Variants in SNX24 observed in about 807,000 individuals in gnomAD.
The protein encoded by SNX24 is sorting nexin-24.
A neutral mutation model predicts 28.7 loss-of-function variants in SNX24; 22 were observed. That is an observed-to-expected ratio of 0.77 (90% CI 0.55 to 1.10). SNX24 has a LOEUF of 1.10. Ranked by LOEUF, SNX24 falls within the 50% of genes least tolerant of loss-of-function variation. SNX24 has a pLI of 0.00. For synonymous variants in SNX24, 69 were observed against 71.5 expected (o/e 0.96, Z 0.18); for missense variants, 221 against 201.1 (o/e 1.10, Z -0.60).
chr5:122,943,197 G>A (rs1391500147), intron 2 of SNX24, among the ~76,000 whole-genome samples: 2 of 152,032 alleles, frequency 1.3e-5, no homozygotes, highest in African/African-American at 4.8e-5. Context: ...TGCATTATCA[G>A]TTTCCCCCTC....
chr5:122,895,327 G>A (rs1015050822), intron 1 of SNX24, among the ~76,000 whole-genome samples: 2 of 152,136 alleles, frequency 1.3e-5, no homozygotes, highest in Non-Finnish European at 2.9e-5. Context: ...GGTAAAACAT[G>A]TCTCTATTTT....
chr5:122,945,321 T>C (rs1759636765), intron 2 of SNX24, among the ~76,000 whole-genome samples: 1 of 152,222 alleles, frequency 6.6e-6, no homozygotes, highest in African/African-American at 2.4e-5. Flanking sequence ...TAACCAAATC[T>C]TCAAAGTCCC....
At chr5:122,924,948 C>A (rs1758614016) in intron 1 of SNX24, among the ~76,000 whole-genome samples, 1 of 151,522 alleles carries the variant, frequency 6.6e-6, no homozygotes, top group African/African-American at 2.4e-5. Flanking sequence ...AAAGGCCTGG[C>A]CTTCCCTCCC....
chr5:122,931,259 G>C (rs1758941727), intron 1 of SNX24, among the ~76,000 whole-genome samples: 1 of 152,024 alleles, frequency 6.6e-6, no homozygotes, highest in South Asian at 2.1e-4. Context: ...GCTCAAAGTA[G>C]GAACAAATCA....
chr5:122,999,938 T>G lies in SNX24; in HGVS notation c.276T>G (p.Leu92=). 2 of 1,613,110 alleles carry G rather than the reference T, an allele frequency of 1.2e-6. No homozygotes were observed. Among genetic ancestry groups the G allele is most frequent in the Non-Finnish European group, 1.7e-6 (2 of 1,179,028 alleles). ...CTGTCATTTTAGAAAATGAAGAACT[T>G]CCCAAACTGTTTCTTGATTTCCTAA... The part of the protein sequence containing the change: ...LQAVILENEE[L]PKLFLDFLNV... The change falls in exon 4 of 7, where the codon CTT becomes CTG. Residue 92 remains leucine (L), a synonymous_variant. Coordinates refer to ENST00000261369, the MANE Select transcript of SNX24 (RefSeq NM_014035.4).
chr5:122,880,222 A>C (rs1348363681), intron 1 of SNX24, among the ~76,000 whole-genome samples: 1 of 152,230 alleles, frequency 6.6e-6, no homozygotes, highest in African/African-American at 2.4e-5. Context: ...TCATAAATGG[A>C]ATAGCCAAAT....
At chr5:122,984,900 A>G (rs1006554428) in intron 3 of SNX24, among the ~76,000 whole-genome samples, 2 of 152,190 alleles carry the variant, frequency 1.3e-5, no homozygotes, top group Non-Finnish European at 2.9e-5. Context: ...TGCATTAAAA[A>G]GTTTAGTGAA....
chr5:122,899,220 A>G (rs1165220170), intron 1 of SNX24, among the ~76,000 whole-genome samples: 2 of 152,182 alleles, frequency 1.3e-5, no homozygotes, highest in Non-Finnish European at 2.9e-5. Context: ...GAGCTAGACT[A>G]GTAAATCCCT....
At chr5:122,975,306 GT>G (rs1265690790) in intron 3 of SNX24, among the ~76,000 whole-genome samples, 1 of 151,808 alleles carries the variant, frequency 6.6e-6, no homozygotes, top group East Asian at 1.9e-4. Context: ...TACATACTTG[GT>G]TTTGATGATA....
chr5:123,008,393 A>G lies in SNX24; in HGVS notation c.*644A>G. The stretch of plus-strand genomic sequence containing the variant: ...GCTTCCAAGGTCAGTACATAGGTAA[A>G]ATGGGCTATTAGGATGATCCTTGAA... On this transcript the variant is annotated 3_prime_UTR_variant, in exon 7 of 7. Transcript: ENST00000261369. 2 of 666,470 alleles carry G rather than the reference A, an allele frequency of 3.0e-6. No individual in the cohort carries two copies. Among genetic ancestry groups the G allele is most frequent in the Non-Finnish European group, 3.7e-6 (2 of 538,804 alleles). 41.3% of individuals were successfully genotyped at this position (666,470 alleles called of 1,614,324 possible).
At chr5:122,945,324 A>T (rs1387307719) in intron 2 of SNX24, among the ~76,000 whole-genome samples, 8 of 152,232 alleles carry the variant, frequency 5.3e-5, no homozygotes, top group African/African-American at 1.9e-4. Flanking sequence ...CCAAATCTTC[A>T]AAGTCCCTTT....
intron 5 of SNX24, 130 bp downstream of exon 5, chr5:123,001,567 A>G (rs1183972509): frequency 2.8e-6 from 2 of 705,574 alleles, no homozygotes; most frequent in Non-Finnish European, 4.8e-6. Flanking sequence ...GATTATAAAT[A>G]TTTGATAGGG....
At position 123,008,039 on chromosome 5, in the gene SNX24, C is replaced by T; in HGVS notation, c.*290C>T. The T allele has an allele frequency of 1.2e-5, 13 of 1,096,846 alleles. No homozygotes were observed. Among genetic ancestry groups the T allele is most frequent in the Non-Finnish European group, 1.4e-5 (13 of 900,902 alleles). The allele number at this position is 1,096,846 out of a possible 1,614,324, so 67.9% of individuals were successfully genotyped here. A position where few individuals can be genotyped will look rare whatever the true frequency, so the allele number is the denominator to read the frequency against. ...AGGCCACAGGAGATTCCTGGGAGCA[C>T]TGGGTGTAGCAAAACAAAGCCACTC... is the stretch of plus-strand genomic sequence containing the variant. On this transcript the variant is annotated 3_prime_UTR_variant, in exon 7 of 7. Transcript: ENST00000261369.
At chr5:122,950,455 T>C (rs1759890175) in intron 3 of SNX24, among the ~76,000 whole-genome samples, 1 of 152,182 alleles carries the variant, frequency 6.6e-6, no homozygotes, top group Admixed American at 6.5e-5. Flanking sequence ...ATTTTCTCTG[T>C]CGCTCCTCTC....
chr5:122,950,577 T>C (rs549757699), intron 3 of SNX24, among the ~76,000 whole-genome samples: 1 of 152,318 alleles, frequency 6.6e-6, no homozygotes, highest in African/African-American at 2.4e-5. Context: ...AAAAGAAGGT[T>C]TTCTTTCAGT....
chr5:122,994,039 A>AGT (rs773645448), intron 3 of SNX24, among the ~76,000 whole-genome samples: 20 of 151,712 alleles, frequency 1.3e-4, no homozygotes, highest in Admixed American at 4.0e-4. Flanking sequence ...AATGGAAAGA[A>AGT]GTGTGTGTGT....
At chr5:122,968,114 G>A (rs1037772595) in intron 3 of SNX24, among the ~76,000 whole-genome samples, 31 of 152,180 alleles carry the variant, frequency 2.0e-4, no homozygotes, top group African/African-American at 7.0e-4. Context: ...ACTTGATTGG[G>A]AGGCCGAGGC....
At chr5:122,860,298 G>A (rs536497784) in intron 1 of SNX24, among the ~76,000 whole-genome samples, 3 of 147,144 alleles carry the variant, frequency 2.0e-5, no homozygotes, top group East Asian at 4.0e-4. Flanking sequence ...CTCCCAGACC[G>A]CTTAGATAGG....
chr5:122,994,272 C>G (rs1036743733), intron 3 of SNX24, among the ~76,000 whole-genome samples: 3 of 152,068 alleles, frequency 2.0e-5, no homozygotes, highest in African/African-American at 7.2e-5. Flanking sequence ...GATGTGTCAC[C>G]GTTTATGCTC....
Sources: allele counts gnomAD v4.1 joint callset (sites outside exome capture counted in the v4.1 genomes callset), GRCh38; gene constraint gnomAD v4.1.1; transcripts MANE v1.5; gene names NCBI Gene and HGNC (gene_info 2026-07-23, HGNC 2026-07-21).